Variants in IDH1 observed in about 807,000 individuals in gnomAD.
IDH1 encodes isocitrate dehydrogenase [NADP] cytoplasmic.
Under a neutral mutation model 46.1 loss-of-function variants are expected in IDH1, and 33 were observed. The observed-to-expected ratio is 0.72, with a 90% confidence interval of 0.54 to 0.96. IDH1 has a LOEUF of 0.96. IDH1 is among the 40% of genes least tolerant of loss of function. IDH1 has a pLI of 0.00. For missense variants in IDH1, 421 were observed against 515.7 expected (o/e 0.82, Z 1.78); for synonymous variants, 144 against 172.8 (o/e 0.83, Z 1.31).
chr2:208,238,344 A>G (rs1429858430), intron 9 of IDH1, among the ~76,000 whole-genome samples: 1 of 152,128 alleles, frequency 6.6e-6, no homozygotes, highest in African/African-American at 2.4e-5. Flanking sequence ...GAACACTGCA[A>G]TCTTGTTGGA....
At chr2:208,248,740 A>C in intron 3 of IDH1, 80 bp from the exon 4 acceptor site, 1 of 1,318,228 alleles carries the variant, frequency 7.6e-7, no homozygotes, top group Admixed American at 1.7e-5. Context: ...TGGCATATAG[A>C]GCTCATTATG....
In IDH1 at chr2:208,242,054, C is replaced by G; in HGVS notation, c.790G>C (p.Gly264Arg). 6.2e-7 allele frequency: 1 copy of G among 1,613,362 alleles called. No homozygotes were observed. Among genetic ancestry groups the G allele is most frequent in the Non-Finnish European group, 8.5e-7 (1 of 1,179,870 alleles). Residue 264 changes from glycine (G) to arginine (R), a missense_variant, in exon 7 of 10, where the codon GGC becomes CGC. Gly to Arg is a moderately radical substitution (Grantham distance 125). Coordinates refer to ENST00000345146, the MANE Select transcript of IDH1 (RefSeq NM_005896.4). Reference sequence around the variant, plus strand: ...TAGTTTTTACAGGCCCAGATGAAGCCTCCCTCTGATTTCATAGCTTGGGCC... The same window carrying G: ...TAGTTTTTACAGGCCCAGATGAAGCGTCCCTCTGATTTCATAGCTTGGGCC... ...MVAQAMKSEG[G>R]FIWACKNYDG...
intron 2 of IDH1, among the ~76,000 whole-genome samples, chr2:208,252,035 C>A (rs1401523271): frequency 2.0e-5 from 3 of 152,136 alleles, no homozygotes; most frequent in Non-Finnish European, 4.4e-5. Flanking sequence ...ACTGGGCTCT[C>A]AAGATGTCCA....
chr2:208,245,274 CA>C lies in IDH1; in HGVS notation c.520+44del, dbSNP rs1462165381. ...AAAGCAATAAAAATATTATCTAAAT[CA>C]TTTGTTTAAAAAAAAAAGAAGCTTA... On this transcript the variant is annotated intron_variant, in intron 5 of 9. Coordinates refer to ENST00000345146, the MANE Select transcript of IDH1 (RefSeq NM_005896.4). 5 of 938,826 alleles carry C rather than the reference CA, an allele frequency of 5.3e-6. No individual in the cohort carries two copies. In the East Asian group the frequency reaches 1.2e-4, roughly 22 times the overall value. The allele number at this position is 938,826 out of a possible 1,614,324, so 58.2% of individuals were successfully genotyped here. A position where few individuals can be genotyped will look rare whatever the true frequency, so the allele number is the denominator to read the frequency against.
At chr2:208,245,520 G>T in intron 4 of IDH1, 96 bp from the exon 5 acceptor site, 5 of 551,368 alleles carry the variant, frequency 9.1e-6, no homozygotes, top group East Asian at 4.1e-5. Context: ...AAGACACCTA[G>T]ACAAATAGGG....
intron 4 of IDH1, among the ~76,000 whole-genome samples, chr2:208,246,272 G>T (rs72989215): frequency 0.012 from 1,839 of 152,288 alleles, 17 homozygotes; most frequent in Non-Finnish European, 0.019. Flanking sequence ...TTGCTGCATT[G>T]TATCTTCTTC....
intron 1 of IDH1, 187 bp from the exon 2 acceptor site, chr2:208,254,146 T>G (rs961624276): frequency 6.6e-6 from 1 of 152,358 alleles, no homozygotes; most frequent in Non-Finnish European, 1.5e-5. Flanking sequence ...GGAGCACAAT[T>G]TATCTCTGCG....
At chr2:208,241,972 A>C in intron 7 of IDH1, 22 bp downstream of exon 7, 1 of 1,611,056 alleles carries the variant, frequency 6.2e-7, no homozygotes, top group African/African-American at 1.3e-5. Flanking sequence ...CTGTTCCTAC[A>C]GGCCAGGCTC....
chr2:208,238,788 T>G (rs1018752106), intron 9 of IDH1, among the ~76,000 whole-genome samples: 1 of 152,196 alleles, frequency 6.6e-6, no homozygotes, highest in African/African-American at 2.4e-5. Context: ...GTTTTGAACA[T>G]AAAAGTTTGA....
rs770226824 is a variant in IDH1 at position 208,239,138 on chromosome 2, A to C, written c.1087T>G (p.Ser363Ala). 3.7e-6 allele frequency: 6 copies of C among 1,614,034 alleles called. No homozygotes were observed. Among genetic ancestry groups the C allele is most frequent in the Non-Finnish European group, 5.1e-6 (6 of 1,179,920 alleles). Residue 363 changes from serine to alanine, a missense_variant, in exon 9 of 10, where the codon TCT (serine) becomes GCT (alanine). Physicochemically the swap from Ser to Ala is moderately conservative, Grantham distance 99. Coordinates refer to ENST00000345146, the MANE Select transcript of IDH1 (RefSeq NM_005896.4). Reference sequence around the variant, plus strand: ...AAGCCAGCCTCAATTGTCTCAATAGAGACTTCTTCCAAAGCATTTGCAAAG... The same window carrying C: ...AAGCCAGCCTCAATTGTCTCAATAGCGACTTCTTCCAAAGCATTTGCAAAG... Reference protein sequence around the residue: ...AFFANALEEVSIETIEAGFMT... With the variant: ...AFFANALEEVAIETIEAGFMT...
chr2:208,245,549 T>A, intron 4 of IDH1, 125 bp from the exon 5 acceptor site: 4 of 571,496 alleles, frequency 7.0e-6, no homozygotes, highest in African/African-American at 2.2e-5. Flanking sequence ...CAAACTTCTT[T>A]TTTTTTTTTT....
intron 5 of IDH1, among the ~76,000 whole-genome samples, chr2:208,243,967 T>A (rs1559360649): frequency 6.6e-6 from 1 of 152,242 alleles, no homozygotes; most frequent in Admixed American, 6.5e-5. Flanking sequence ...TTTGGATATT[T>A]GTCCCTTCCA....
At chr2:208,251,616 G>T in intron 2 of IDH1, 49 bp from the exon 3 acceptor site, 1 of 1,465,916 alleles carries the variant, frequency 6.8e-7, no homozygotes, top group Non-Finnish European at 9.5e-7. Flanking sequence ...TCATTATAAA[G>T]TGAAATATAT....
intron 4 of IDH1, among the ~76,000 whole-genome samples, chr2:208,245,787 C>CCG (rs1688009939): frequency 4.8e-5 from 2 of 41,712 alleles, no homozygotes; most frequent in Non-Finnish European, 1.4e-4. Context: ...AGACCCCCCC[C>CCG]CCAAAAAAAA....
At chr2:208,246,174 G>A (rs2124859488) in intron 4 of IDH1, among the ~76,000 whole-genome samples, 1 of 152,226 alleles carries the variant, frequency 6.6e-6, no homozygotes, top group South Asian at 2.1e-4. Flanking sequence ...TTTTAGGAAA[G>A]GGCTGTTCAA....
intron 2 of IDH1, among the ~76,000 whole-genome samples, chr2:208,252,066 TCTC>T (rs1688135671): frequency 6.6e-6 from 1 of 152,180 alleles, no homozygotes; most frequent in Non-Finnish European, 1.5e-5. Context: ...TGCTAGCATT[TCTC>T]CTCCTTTAAG....
At chr2:208,246,231 T>A (rs1574407491) in intron 4 of IDH1, among the ~76,000 whole-genome samples, 1 of 152,170 alleles carries the variant, frequency 6.6e-6, no homozygotes, top group African/African-American at 2.4e-5. Context: ...TGGAATAATA[T>A]GCCTGGCATA....
intron 7 of IDH1, among the ~76,000 whole-genome samples, chr2:208,240,980 C>T (rs1158115835): frequency 6.6e-6 from 1 of 152,144 alleles, no homozygotes. Flanking sequence ...AAAAGTAGTA[C>T]TTCTTGGGAA....
chr2:208,251,528 A>C lies in IDH1; in HGVS notation c.24T>G (p.Gly8=), dbSNP rs759315203. 6.2e-7 allele frequency: 1 copy of C among 1,613,844 alleles called. No individual in the cohort carries two copies. Among genetic ancestry groups the C allele is most frequent in the Non-Finnish European group, 8.5e-7 (1 of 1,179,870 alleles). Residue 8 remains glycine (G), a synonymous_variant, in exon 3 of 10, where the codon GGT becomes GGG. Transcript: ENST00000345146. ...CATCTCCTTGCATCTCTACCACAGAACCGCCACTGATTTTTTTGGACATTT... is the reference window on the plus strand; with the variant it reads ...CATCTCCTTGCATCTCTACCACAGACCCGCCACTGATTTTTTTGGACATTT... MSKKISG[G]SVVEMQGDEM... is the part of the protein sequence containing the mutation.
Sources: allele counts gnomAD v4.1 joint callset (sites outside exome capture counted in the v4.1 genomes callset), GRCh38; gene constraint gnomAD v4.1.1; transcripts MANE v1.5; gene names NCBI Gene and HGNC (gene_info 2026-07-23, HGNC 2026-07-21).